Variants in ABL1 observed in about 807,000 individuals in gnomAD.
ABL1 encodes tyrosine-protein kinase ABL1.
ABL1 carries 11 observed loss-of-function variants against 94.7 expected under a neutral mutation model. The ratio of observed to expected loss-of-function variants is 0.12; its 90% CI spans 0.07 to 0.19. ABL1 has a LOEUF of 0.19. ABL1 is among the 10% of genes least tolerant of loss of function. The pLI is 1.00. For synonymous variants in ABL1, 656 were observed against 622.4 expected, an observed-to-expected ratio of 1.05 and a Z score of -0.80; for missense variants, 1,082 against 1,489.4, an observed-to-expected ratio of 0.73 and a Z score of 4.50.
At chr9:130,773,402 C>T (rs571980875) in intron 1 of ABL1, among the ~76,000 whole-genome samples, 43 of 152,228 alleles carry the variant, frequency 2.8e-4, no homozygotes, top group African/African-American at 1.0e-3. Context: ...CTGTAAACGT[C>T]TTGGCATTGT....
intron 1 of ABL1, among the ~76,000 whole-genome samples, chr9:130,777,368 T>G (rs1476365819): frequency 6.6e-6 from 1 of 152,236 alleles, no homozygotes. Flanking sequence ...AAGGAACCTC[T>G]CAGGGCTTTG....
chr9:130,728,230 A>ATCTTTTTTTTTTTTT (rs1695482543), intron 1 of ABL1, among the ~76,000 whole-genome samples: 1 of 102,636 alleles, frequency 9.7e-6, no homozygotes, highest in South Asian at 3.3e-4. Flanking sequence ...TGTCCAGCTG[A>ATCTTTTTTTTTTTTT]TTTTTTTTTT....
chr9:130,873,896 C>T (rs1462642234), intron 6 of ABL1, among the ~76,000 whole-genome samples: 1 of 152,142 alleles, frequency 6.6e-6, no homozygotes, highest in African/African-American at 2.4e-5. Context: ...GCTGGCGGCT[C>T]CTTGTAAGAC....
chr9:130,714,377 C>T, exon 1 of ABL1: 3 of 1,613,942 alleles, frequency 1.9e-6, no homozygotes, highest in Non-Finnish European at 2.5e-6. Context: ...CTTGCCTGCC[C>T]TGCATTTTAT....
chr9:130,884,321 G>A lies in ABL1; in HGVS notation c.2031G>A (p.Gly677=), dbSNP rs1200313679. 1 of 1,611,826 alleles carries A rather than the reference G, an allele frequency of 6.2e-7. No homozygotes were observed. The highest frequency in any genetic ancestry group is 8.5e-7 in the Non-Finnish European group (1 of 1,179,374). ...GVPNGALRES[G]GSGFRSPHLW... ...CCAATGGAGCCCTCCGGGAGTCCGGGGGCTCAGGCTTCCGGTCTCCCCACC... is the reference window on the plus strand; with the variant it reads ...CCAATGGAGCCCTCCGGGAGTCCGGAGGCTCAGGCTTCCGGTCTCCCCACC... The change falls in exon 11 of 11, where the codon GGG becomes GGA. Residue 677 remains glycine, a synonymous_variant. Coordinates refer to ENST00000318560, the MANE Select transcript of ABL1 (RefSeq NM_005157.6). This position sits in a 1 kb window ranked among gnomAD's most constrained non-coding sequence, Gnocchi z 5.6.
chr9:130,761,129 C>T lies in ABL1; in HGVS notation c.136+46674C>T, dbSNP rs1053846638. 2.6e-5 allele frequency among the ~76,000 whole-genome samples: 4 copies of T among 151,918 alleles called. No homozygotes were observed. In the East Asian group the frequency reaches 5.8e-4, roughly 22 times the overall value. Reference sequence around the variant, plus strand: ...CGGCTGGCTACTAATATTTTGTTTTCGGTATGTTTTTGTATTTTTAGTAGA... The same window carrying T: ...CGGCTGGCTACTAATATTTTGTTTTTGGTATGTTTTTGTATTTTTAGTAGA... On this transcript the variant is annotated intron_variant, in intron 1 of 10. Coordinates refer to the ABL1 transcript ENST00000372348.
At chr9:130,845,722 A>C (rs1830757175) in intron 1 of ABL1, among the ~76,000 whole-genome samples, 1 of 152,194 alleles carries the variant, frequency 6.6e-6, no homozygotes. Context: ...TTAAGGCATT[A>C]ATAAGAGCTA....
Position 130,884,156 on chromosome 9 carries a change from G to A in ABL1, c.1866G>A (p.Arg622=), listed in dbSNP as rs1474033668. 1.9e-6 allele frequency: 3 copies of A among 1,613,236 alleles called. No individual in the cohort carries two copies. Among genetic ancestry groups the A allele is most frequent in the East Asian group, 2.2e-5 (1 of 44,888 alleles). Residue 622 remains arginine (R), a synonymous_variant, in exon 11 of 11, where the codon CGG becomes CGA. Transcript: ENST00000318560. This position sits in a 1 kb window ranked among gnomAD's most constrained non-coding sequence, Gnocchi z 5.6. ...PTPPKRSSSF[R]EMDGQPERRG... The stretch of plus-strand genomic sequence containing the variant: ...CTCCCAAACGCAGCAGCTCCTTCCG[G>A]GAGATGGACGGCCAGCCGGAGCGCA...
chr9:130,849,582 G>A (rs1015289769), intron 1 of ABL1, among the ~76,000 whole-genome samples: 4 of 152,032 alleles, frequency 2.6e-5, no homozygotes, highest in Non-Finnish European at 5.9e-5. Context: ...GCAGTGCCGC[G>A]ACCTTGGCTC....
chr9:130,824,239 G>A (rs1830398799), intron 1 of ABL1, among the ~76,000 whole-genome samples: 1 of 152,182 alleles, frequency 6.6e-6, no homozygotes, highest in Admixed American at 6.5e-5. Flanking sequence ...GAGAGCTGAG[G>A]GCCAGTGATG....
rs1830950354 is a variant in ABL1 at position 130,855,027 on chromosome 9, G to A, written c.480G>A (p.Gln160=). The A allele has an allele frequency of 6.2e-7, 1 of 1,614,218 alleles. No homozygotes were observed. The highest frequency in any genetic ancestry group is 1.3e-5 in the African/African-American group (1 of 75,040). The change falls in exon 3 of 11, where the codon CAG becomes CAA. Residue 160 remains glutamine, a synonymous_variant. Coordinates refer to ENST00000318560, the MANE Select transcript of ABL1 (RefSeq NM_005157.6). ...GTGAGAGTGAGAGCAGTCCTGGCCAGAGGTCCATCTCGCTGAGATACGAAG... is the reference window on the plus strand; with the variant it reads ...GTGAGAGTGAGAGCAGTCCTGGCCAAAGGTCCATCTCGCTGAGATACGAAG... The part of the protein sequence containing the change: ...LVRESESSPG[Q]RSISLRYEGR...
intron 1 of ABL1, among the ~76,000 whole-genome samples, chr9:130,783,844 C>T (rs1041039692): frequency 5.9e-5 from 9 of 151,938 alleles, no homozygotes; most frequent in South Asian, 2.1e-4. Flanking sequence ...TTAGTAGAGA[C>T]GGGGTTTCAC....
intron 1 of ABL1, among the ~76,000 whole-genome samples, chr9:130,716,150 A>G (rs1179388344): frequency 1.5e-5 from 2 of 132,292 alleles, no homozygotes; most frequent in South Asian, 2.5e-4. Flanking sequence ...GCAGGAGTGC[A>G]GTGTGGCGAT....
intron 1 of ABL1, among the ~76,000 whole-genome samples, chr9:130,782,656 T>C (rs547778193): frequency 2.6e-5 from 4 of 152,326 alleles, no homozygotes; most frequent in African/African-American, 9.6e-5. Flanking sequence ...TGCCAAGATA[T>C]AATGCGCTGA....
At chr9:130,808,300 G>T (rs1428351376) in intron 1 of ABL1, among the ~76,000 whole-genome samples, 1 of 148,406 alleles carries the variant, frequency 6.7e-6, no homozygotes, top group Non-Finnish European at 1.5e-5. Context: ...CTGGAGTGCA[G>T]TGGCACAATC....
intron 1 of ABL1, among the ~76,000 whole-genome samples, chr9:130,740,363 T>A (rs1313062547): frequency 1.3e-5 from 2 of 152,250 alleles, no homozygotes; most frequent in African/African-American, 2.4e-5. Flanking sequence ...GGAGAGCCGC[T>A]GGGCGGCAAT....
intron 1 of ABL1, among the ~76,000 whole-genome samples, chr9:130,821,714 G>A (rs1413542041): frequency 4.0e-5 from 6 of 150,512 alleles, no homozygotes; most frequent in Non-Finnish European, 5.9e-5. Flanking sequence ...CTGGGCTGGA[G>A]TGCAATGGCA....
intron 1 of ABL1, among the ~76,000 whole-genome samples, chr9:130,715,615 C>T (rs1435997090): frequency 6.6e-6 from 1 of 152,144 alleles, no homozygotes; most frequent in Non-Finnish European, 1.5e-5. Flanking sequence ...TATGATGGTT[C>T]CCAAATTCAG....
intron 1 of ABL1, among the ~76,000 whole-genome samples, chr9:130,839,655 T>G (rs925398732): frequency 6.6e-6 from 1 of 152,228 alleles, no homozygotes; most frequent in Non-Finnish European, 1.5e-5. Flanking sequence ...CTGACCTCTC[T>G]GAGCTTCCGT....
Sources: allele counts gnomAD v4.1 joint callset (sites outside exome capture counted in the v4.1 genomes callset), GRCh38; gene constraint gnomAD v4.1.1; non-coding constraint Gnocchi (gnomAD v3.1); transcripts MANE v1.5; gene names NCBI Gene and HGNC (gene_info 2026-07-23, HGNC 2026-07-21).